CTNNA3: variants seen among roughly 807,000 people sequenced by gnomAD.
CTNNA3 encodes the protein catenin alpha 3.
CTNNA3 carries 76 observed loss-of-function variants against 95.7 expected under a neutral mutation model. That is an observed-to-expected ratio of 0.79 (90% CI 0.66 to 0.96). The LOEUF is 0.96. Ranked by LOEUF, CTNNA3 falls within the 40% of genes least tolerant of loss-of-function variation. CTNNA3 has a pLI of 0.00. For synonymous variants in CTNNA3, 431 were observed against 374.4 expected, an observed-to-expected ratio of 1.15 and a Z score of -1.74; for missense variants, 1,191 against 1,089.8, an observed-to-expected ratio of 1.09 and a Z score of -1.31.
chr10:67,481,573 T>G (rs958780448), intron 5 of CTNNA3, among the ~76,000 whole-genome samples: 1 of 152,092 alleles, frequency 6.6e-6, no homozygotes, highest in African/African-American at 2.4e-5. Flanking sequence ...TAGGTATACA[T>G]CTAACCAAGG....
At chr10:66,330,201 A>G (rs1253606187) in intron 12 of CTNNA3, among the ~76,000 whole-genome samples, 1 of 151,740 alleles carries the variant, frequency 6.6e-6, no homozygotes, top group African/African-American at 2.4e-5. Context: ...TATATCTCCT[A>G]ATGCTATCCC....
At chr10:66,851,628 TCACATACACACACA>T (rs776669452) in intron 7 of CTNNA3, among the ~76,000 whole-genome samples, 1 of 92,820 alleles carries the variant, frequency 1.1e-5, no homozygotes, top group African/African-American at 4.7e-5. Flanking sequence ...TCTCTTTCTC[TCACATACACACACA>T]CACACACACA....
intron 3 of CTNNA3, among the ~76,000 whole-genome samples, chr10:67,577,501 C>G (rs573160927): frequency 9.2e-5 from 14 of 151,946 alleles, no homozygotes; most frequent in East Asian, 3.9e-4. Context: ...ATGGTAGTTT[C>G]TTTTGCTGTG....
At chr10:67,392,302 A>C (rs2132774191) in intron 5 of CTNNA3, among the ~76,000 whole-genome samples, 1 of 152,374 alleles carries the variant, frequency 6.6e-6, no homozygotes, top group Middle Eastern at 3.4e-3. Context: ...GACACGTGAA[A>C]AAATGCTCAT....
intron 7 of CTNNA3, among the ~76,000 whole-genome samples, chr10:67,160,624 ACG>A (rs1861497723): frequency 6.6e-6 from 1 of 151,764 alleles, no homozygotes; most frequent in Non-Finnish European, 1.5e-5. Flanking sequence ...TTTTGTAGAA[ACG>A]GGGTTTTGCC....
chr10:66,048,144 A>G (rs890926057), intron 15 of CTNNA3, among the ~76,000 whole-genome samples: 2 of 152,154 alleles, frequency 1.3e-5, no homozygotes, highest in African/African-American at 2.4e-5. Flanking sequence ...TTTATATGGA[A>G]CCAAAAAGAG....
At chr10:67,261,303 G>A (rs1392731578) in intron 5 of CTNNA3, among the ~76,000 whole-genome samples, 1 of 151,958 alleles carries the variant, frequency 6.6e-6, no homozygotes, top group African/African-American at 2.4e-5. Flanking sequence ...AAATCAAGAG[G>A]GACAGAAGTG....
intron 5 of CTNNA3, among the ~76,000 whole-genome samples, chr10:67,426,974 T>C (rs1159841437): frequency 6.6e-6 from 1 of 152,094 alleles, no homozygotes; most frequent in Non-Finnish European, 1.5e-5. Context: ...AAGAGACAGT[T>C]AACTTAATTT....
At chr10:66,692,802 A>G (rs1215503704) in intron 9 of CTNNA3, among the ~76,000 whole-genome samples, 1 of 152,194 alleles carries the variant, frequency 6.6e-6, no homozygotes, top group African/African-American at 2.4e-5. Flanking sequence ...AGTGGGGGCC[A>G]ATATTCAACA....
At chr10:66,469,530 T>TA (rs111433534) in intron 11 of CTNNA3, among the ~76,000 whole-genome samples, 7,263 of 151,822 alleles carry the variant, frequency 0.048, 512 homozygotes, top group African/African-American at 0.15. Context: ...TATTTATCGT[T>TA]AAAAAATAGT....
At chr10:67,237,173 T>TATATATATAC (rs1554810783) in intron 5 of CTNNA3, among the ~76,000 whole-genome samples, 4 of 112,826 alleles carry the variant, frequency 3.5e-5, no homozygotes, top group Non-Finnish European at 3.6e-5. Flanking sequence ...TATATATATA[T>TATATATATAC]ACACACACAA....
intron 15 of CTNNA3, among the ~76,000 whole-genome samples, chr10:66,049,006 C>T (rs2079893482): frequency 6.6e-6 from 1 of 152,024 alleles, no homozygotes. Context: ...AACAAACAAC[C>T]TAAAGAATGG....
chr10:67,089,911 G>A lies in CTNNA3; in HGVS notation c.1047+90406C>T, dbSNP rs546705954. On this transcript the variant is annotated intron_variant, in intron 7 of 17. Transcript: ENST00000433211. ...TGTTTGTTCTCCATTTCCCAGTCCT[G>A]TACTTCTGCAGCACCTGCCTAGCTA... Among the ~76,000 whole-genome samples the A allele has an allele frequency of 2.3e-4, 35 of 151,886 alleles. 1 individual carries two copies. In the South Asian group the frequency reaches 5.8e-3, roughly 25 times the overall value.
chr10:67,332,532 G>A (rs1285668768), intron 5 of CTNNA3, among the ~76,000 whole-genome samples: 1 of 152,100 alleles, frequency 6.6e-6, no homozygotes, highest in East Asian at 1.9e-4. Context: ...TAAGCAGGAG[G>A]TTCATGGATA....
chr10:66,215,772 T>C (rs569300253), intron 13 of CTNNA3, among the ~76,000 whole-genome samples: 3 of 152,266 alleles, frequency 2.0e-5, no homozygotes, highest in South Asian at 2.1e-4. Flanking sequence ...ATGTCATGAT[T>C]ACACCCAAGA....
At chr10:66,205,940 T>A (rs780302091) in intron 13 of CTNNA3, among the ~76,000 whole-genome samples, 2 of 151,956 alleles carry the variant, frequency 1.3e-5, no homozygotes, top group African/African-American at 4.8e-5. Context: ...GTCCTAATTA[T>A]GTACAAGGCA....
chr10:67,233,283 T>C (rs1865307015), intron 5 of CTNNA3, among the ~76,000 whole-genome samples: 1 of 151,694 alleles, frequency 6.6e-6, no homozygotes, highest in Non-Finnish European at 1.5e-5. Context: ...TCAGCAAATG[T>C]AAAAGAACAG....
intron 15 of CTNNA3, among the ~76,000 whole-genome samples, chr10:65,993,436 C>T (rs1251921341): frequency 1.3e-5 from 2 of 152,154 alleles, no homozygotes; most frequent in East Asian, 3.9e-4. Flanking sequence ...ATATTGGGTA[C>T]ATATGTATTT....
intron 9 of CTNNA3, among the ~76,000 whole-genome samples, chr10:66,679,737 C>A (rs896187226): frequency 6.6e-6 from 1 of 152,084 alleles, no homozygotes; most frequent in Non-Finnish European, 1.5e-5. Flanking sequence ...CAATGAGGTA[C>A]AGCAATGAAG....
Sources: allele counts gnomAD v4.1 joint callset (sites outside exome capture counted in the v4.1 genomes callset), GRCh38; gene constraint gnomAD v4.1.1; transcripts MANE v1.5; gene names NCBI Gene and HGNC (gene_info 2026-07-23, HGNC 2026-07-21).